LRBA: variants seen among roughly 807,000 people sequenced by gnomAD.
LRBA encodes lipopolysaccharide-responsive and beige-like anchor protein.
In LRBA, 176 loss-of-function variants were observed where a neutral mutation model predicts 330.0. The ratio of observed to expected loss-of-function variants is 0.53; its 90% CI spans 0.47 to 0.60. The LOEUF (loss-of-function observed/expected upper bound fraction) is 0.60, where lower values mean the gene tolerates loss of function less well. Among genes scored for constraint, LRBA ranks in the 20% least tolerant of loss-of-function variants. The pLI is 0.00. For missense variants in LRBA, 3,259 were observed against 3,444.8 expected (o/e 0.95, Z 1.35); for synonymous variants, 1,230 against 1,193.0 (o/e 1.03, Z -0.64).
intron 47 of LRBA, among the ~76,000 whole-genome samples, chr4:150,358,331 A>T (rs886154553): frequency 6.6e-6 from 1 of 152,106 alleles, no homozygotes; most frequent in African/African-American, 2.4e-5. Context: ...GAATGTGAAG[A>T]GTATAAGGAG....
At chr4:150,979,695 T>C (rs540631897) in intron 2 of LRBA, among the ~76,000 whole-genome samples, 4 of 152,190 alleles carry the variant, frequency 2.6e-5, no homozygotes, top group Non-Finnish European at 5.9e-5. Context: ...CAGTTTAAAA[T>C]AATAAGTTAT....
chr4:150,752,272 A>G (rs1460636432), intron 35 of LRBA, among the ~76,000 whole-genome samples: 1 of 152,102 alleles, frequency 6.6e-6, no homozygotes, highest in African/African-American at 2.4e-5. Context: ...CCTCCTTGCA[A>G]CATCTATCTC....
At chr4:150,521,150 T>C (rs1406531631) in intron 40 of LRBA, among the ~76,000 whole-genome samples, 1 of 152,158 alleles carries the variant, frequency 6.6e-6, no homozygotes, top group Non-Finnish European at 1.5e-5. Context: ...ATCAATCTTA[T>C]CAAACTTTTT....
In LRBA at chr4:150,560,647, A is replaced by G. The variant is rs1330452840; in HGVS notation, c.6330+27401T>C. On this transcript the variant is annotated intron_variant, in intron 40 of 56. Transcript: ENST00000651943. ...GAACTCCTAACTGATACTTAGTAGA[A>G]CAGCATATAGGTCCATATTTATAAT... is the stretch of plus-strand genomic sequence containing the variant. Among the ~76,000 whole-genome samples, 4 of 152,166 alleles carry G rather than the reference A, an allele frequency of 2.6e-5. No individual in the cohort carries two copies. The East Asian group carries it at 5.8e-4, about 22-fold the overall frequency.
rs1579278688 is a variant in LRBA, at chr4:150,944,206, A to C, written c.217-15141T>G. 3.3e-5 allele frequency among the ~76,000 whole-genome samples: 5 copies of C among 152,230 alleles called. No individual in the cohort carries two copies. In the East Asian group the frequency reaches 7.7e-4, roughly 23 times the overall value. On this transcript the variant is annotated intron_variant, in intron 2 of 56. Transcript: ENST00000651943. ...AATGTTTATCACTGTTTTACACTGT[A>C]AGGTTTGGGGGTAATTTGTAACACA...
In LRBA at chr4:150,793,633, G is replaced by T. The variant is rs900592300; in HGVS notation, c.5580+4448C>A. Among the ~76,000 whole-genome samples, 3 of 152,122 alleles carry T rather than the reference G, an allele frequency of 2.0e-5. No homozygotes were observed. The East Asian group carries it at 5.8e-4, about 29-fold the overall frequency. ...AAAAAAACACAGTGCTTGTCTTCAA[G>T]AAATTTGCAGTCTACATGGAAGAGA... On this transcript the variant is annotated intron_variant, in intron 34 of 56. Coordinates refer to ENST00000651943, the MANE Select transcript of LRBA (RefSeq NM_001364905.1).
At chr4:150,714,350 A>C (rs1243264709) in intron 36 of LRBA, among the ~76,000 whole-genome samples, 7 of 152,188 alleles carry the variant, frequency 4.6e-5, no homozygotes. Context: ...ACAGTATTTG[A>C]TTAATATGGG....
intron 37 of LRBA, among the ~76,000 whole-genome samples, chr4:150,602,520 T>C (rs1774222508): frequency 6.6e-6 from 1 of 152,114 alleles, no homozygotes; most frequent in Non-Finnish European, 1.5e-5. Context: ...ATGTTTTGTT[T>C]CCCTAAGTCT....
At chr4:150,932,363 TA>T (rs78850552) in intron 2 of LRBA, among the ~76,000 whole-genome samples, 12,763 of 132,184 alleles carry the variant, frequency 0.097, 831 homozygotes, top group African/African-American at 0.21. Flanking sequence ...ACTAGGGTGT[TA>T]AAAAAAAAAA....
At chr4:150,799,890 G>A (rs905208347) in intron 33 of LRBA, among the ~76,000 whole-genome samples, 4 of 152,114 alleles carry the variant, frequency 2.6e-5, no homozygotes, top group South Asian at 2.1e-4. Context: ...AATTACAGGC[G>A]CCCACCACCA....
At chr4:150,849,670 C>T in intron 24 of LRBA, 95 bp from the exon 25 acceptor site, 1 of 970,576 alleles carries the variant, frequency 1.0e-6, no homozygotes, top group Non-Finnish European at 1.6e-6. Context: ...GGTGCTTTTG[C>T]TTCATCTTGA....
At chr4:150,888,644 TA>T (rs1217462906) in intron 17 of LRBA, among the ~76,000 whole-genome samples, 1 of 151,964 alleles carries the variant, frequency 6.6e-6, no homozygotes, top group Non-Finnish European at 1.5e-5. Context: ...CACAAAGAGA[TA>T]AACTCCAAAC....
At chr4:150,546,554 T>A (rs1311304464) in intron 40 of LRBA, among the ~76,000 whole-genome samples, 1 of 152,206 alleles carries the variant, frequency 6.6e-6, no homozygotes. Context: ...CCTTTAGGCC[T>A]CACTCAAAAT....
At position 150,516,863 on chromosome 4, in the gene LRBA, G is replaced by A. The variant is rs544337338; in HGVS notation, c.6331-25828C>T. ...ATGGCCTTTGACCCAACAAGCTTTT[G>A]GATAACAAATAGAAATAATAGTTTT... On this transcript the variant is annotated intron_variant, in intron 40 of 56. Transcript: ENST00000651943. 1.1e-4 allele frequency among the ~76,000 whole-genome samples: 16 copies of A among 152,096 alleles called. No individual in the cohort carries two copies. The East Asian group carries it at 3.1e-3, about 29-fold the overall frequency.
Position 150,647,536 on chromosome 4 carries a change from G to A in LRBA, c.5921+36015C>T, listed in dbSNP as rs907977921. ...AACACACCTAGTAGCAGGGACCACA[G>A]GTGCATACCAACATACCCAGCTAAT... On this transcript the variant is annotated intron_variant, in intron 37 of 56. Transcript: ENST00000651943. Among the ~76,000 whole-genome samples the A allele has an allele frequency of 2.7e-5, 4 of 150,762 alleles. No homozygotes were observed. In the Admixed American group the frequency reaches 2.7e-4, roughly 10 times the overall value.
Position 150,817,115 on chromosome 4 carries a change from C to A in LRBA, c.5305+9G>T, listed in dbSNP as rs375870356. The A allele has an allele frequency of 9.3e-6, 15 of 1,609,154 alleles. No homozygotes were observed. The African/African-American group carries it at 1.9e-4, about 20-fold the overall frequency. ...ACATTTTTGTTGAAATCACTGATAA[C>A]TAACTCACCTGGTGATTCTCCTCCC... On this transcript the variant is annotated intron_variant, in intron 31 of 56. Coordinates refer to ENST00000651943, the MANE Select transcript of LRBA (RefSeq NM_001364905.1).
At chr4:150,953,554 A>G (rs1375420384) in intron 2 of LRBA, among the ~76,000 whole-genome samples, 9 of 151,708 alleles carry the variant, frequency 5.9e-5, no homozygotes, top group South Asian at 2.1e-4. Context: ...TGGTGGAGAC[A>G]GGGTTTCGCC....
At chr4:150,573,383 C>T (rs1263631238) in intron 40 of LRBA, among the ~76,000 whole-genome samples, 1 of 152,156 alleles carries the variant, frequency 6.6e-6, no homozygotes, top group East Asian at 1.9e-4. Flanking sequence ...TTGCACTTTG[C>T]AAACCCACAG....
chr4:150,746,254 C>A (rs925502766), intron 35 of LRBA, among the ~76,000 whole-genome samples: 1 of 151,964 alleles, frequency 6.6e-6, no homozygotes, highest in South Asian at 2.1e-4. Flanking sequence ...TTTACTTAAC[C>A]GTATACCATT....
Sources: gnomAD v4.1 joint callset for allele counts (sites outside exome capture counted in the v4.1 genomes callset) on GRCh38, gnomAD v4.1.1 for gene constraint, MANE v1.5 for transcripts, NCBI Gene and HGNC (gene_info 2026-07-23, HGNC 2026-07-21) for gene names.